The following RIMS2 variants were observed in gnomAD, a reference collection of about 807,000 sequenced individuals.
The protein encoded by RIMS2 is regulating synaptic membrane exocytosis protein 2.
RIMS2 carries 59 observed loss-of-function variants against 174.4 expected under a neutral mutation model. The observed-to-expected ratio is 0.34, with a 90% CI of 0.27 to 0.42. The LOEUF is 0.42. RIMS2 is among the 10% of genes least tolerant of loss of function. RIMS2 has a pLI of 1.00. For synonymous variants in RIMS2, 606 were observed against 572.5 expected, an observed-to-expected ratio of 1.06 and a Z score of -0.84; for missense variants, 1,620 against 1,666.3, an observed-to-expected ratio of 0.97 and a Z score of 0.48.
intron 2 of RIMS2, among the ~76,000 whole-genome samples, chr8:103,716,077 C>T (rs1257195683): frequency 1.3e-5 from 2 of 151,600 alleles, no homozygotes; most frequent in Non-Finnish European, 2.9e-5. Context: ...TCTTATGTAG[C>T]ATGCTTTTGC....
chr8:104,239,618 T>C (rs1272892910), intron 19 of RIMS2, among the ~76,000 whole-genome samples: 2 of 152,076 alleles, frequency 1.3e-5, no homozygotes, highest in Admixed American at 1.3e-4. Context: ...ATGGTTAAGT[T>C]TTTACAGTTT....
chr8:103,506,464 A>G (rs1226934623), intron 1 of RIMS2, among the ~76,000 whole-genome samples: 1 of 152,056 alleles, frequency 6.6e-6, no homozygotes, highest in Non-Finnish European at 1.5e-5. Context: ...TTCCTCATCT[A>G]TACTATTTGA....
At chr8:103,795,840 A>C (rs767633234) in intron 3 of RIMS2, among the ~76,000 whole-genome samples, 6 of 152,138 alleles carry the variant, frequency 3.9e-5, no homozygotes, top group Non-Finnish European at 8.8e-5. Context: ...ATTTCCAAGT[A>C]CTAGACTTGT....
chr8:103,671,777 T>C (rs768603411), intron 1 of RIMS2, among the ~76,000 whole-genome samples: 2 of 152,180 alleles, frequency 1.3e-5, no homozygotes, highest in Non-Finnish European at 2.9e-5. Context: ...CCTACCAAGA[T>C]ATAACAGAAT....
At chr8:103,813,919 G>A (rs1045227581) in intron 3 of RIMS2, among the ~76,000 whole-genome samples, 14 of 152,098 alleles carry the variant, frequency 9.2e-5, no homozygotes, top group Admixed American at 8.5e-4. Context: ...TGTATACCCA[G>A]TAATGGGATA....
intron 1 of RIMS2, chr8:103,559,331 A>C: frequency 4.7e-6 from 1 of 214,824 alleles, no homozygotes; most frequent in South Asian, 7.0e-5. Flanking sequence ...CCTCCCCATA[A>C]CTTCCTTCTC....
At chr8:104,193,853 G>A (rs554841088) in intron 19 of RIMS2, among the ~76,000 whole-genome samples, 2 of 152,034 alleles carry the variant, frequency 1.3e-5, no homozygotes, top group South Asian at 4.2e-4. Context: ...TTATCCTTTT[G>A]GTTTTCAAAT....
chr8:103,634,335 G>A (rs769185764), intron 1 of RIMS2, among the ~76,000 whole-genome samples: 1 of 152,058 alleles, frequency 6.6e-6, no homozygotes, highest in South Asian at 2.1e-4. Flanking sequence ...TGTTTCGAGC[G>A]ACTTTCATTG....
chr8:104,198,752 C>T (rs1374181470), intron 19 of RIMS2, among the ~76,000 whole-genome samples: 1 of 152,174 alleles, frequency 6.6e-6, no homozygotes, highest in Admixed American at 6.5e-5. Flanking sequence ...AGTGGAGTAT[C>T]CCAGCCTTTT....
At chr8:103,689,474 T>C (rs761863233) in intron 1 of RIMS2, among the ~76,000 whole-genome samples, 5 of 152,160 alleles carry the variant, frequency 3.3e-5, no homozygotes, top group African/African-American at 9.7e-5. Context: ...CCAGCTATCA[T>C]TGTATTTAGG....
chr8:103,974,809 G>A (rs1426977864), intron 15 of RIMS2, among the ~76,000 whole-genome samples: 1 of 152,114 alleles, frequency 6.6e-6, no homozygotes, highest in Non-Finnish European at 1.5e-5. Context: ...AGGGTCATTT[G>A]AGGCTAGTCT....
At chr8:103,867,722 A>T (rs2099090623) in intron 3 of RIMS2, among the ~76,000 whole-genome samples, 1 of 152,000 alleles carries the variant, frequency 6.6e-6, no homozygotes, top group Non-Finnish European at 1.5e-5. Context: ...GTTAGAAAAA[A>T]TCTATGAAAA....
chr8:104,093,553 C>T (rs755151730), intron 19 of RIMS2: 16 of 1,596,746 alleles, frequency 1.0e-5, no homozygotes, highest in East Asian at 8.9e-5. Context: ...GATATATCTG[C>T]GGTTTCAAGG....
chr8:104,114,089 A>G (rs1421582869), intron 19 of RIMS2, among the ~76,000 whole-genome samples: 2 of 152,026 alleles, frequency 1.3e-5, no homozygotes, highest in African/African-American at 2.4e-5. Flanking sequence ...AATTGTTCTG[A>G]TATTAGAATT....
At chr8:103,810,014 C>CT (rs1425437417) in intron 3 of RIMS2, among the ~76,000 whole-genome samples, 2 of 152,290 alleles carry the variant, frequency 1.3e-5, no homozygotes, top group Non-Finnish European at 2.9e-5. Flanking sequence ...ATAATCTTAG[C>CT]TTCTGCATAA....
intron 1 of RIMS2, among the ~76,000 whole-genome samples, chr8:103,649,992 A>G (rs1452278657): frequency 1.3e-5 from 2 of 152,086 alleles, no homozygotes; most frequent in Non-Finnish European, 2.9e-5. Flanking sequence ...TTTGAAGGAG[A>G]AGAGCTGTTC....
intron 1 of RIMS2, among the ~76,000 whole-genome samples, chr8:103,525,422 G>A (rs1385799773): frequency 1.3e-5 from 2 of 152,140 alleles, no homozygotes; most frequent in African/African-American, 4.8e-5. Context: ...ACTAATGGAT[G>A]GCCTGTTCAA....
Position 103,896,303 on chromosome 8 carries a change from T to C in RIMS2, c.1624+10080T>C, listed in dbSNP as rs534683104. 5.9e-5 allele frequency among the ~76,000 whole-genome samples: 9 copies of C among 151,818 alleles called. 1 individual carries two copies. Among genetic ancestry groups the C allele is most frequent in the African/African-American group, 2.2e-4 (9 of 41,156 alleles). On this transcript the variant is annotated intron_variant, in intron 4 of 23. Transcript: ENST00000504942. Reference sequence around the variant, plus strand: ...TGTCTTCTGGTAGCAAAAAAGCTGCTGGTTTTCCCAGCCATCCTCACGCTG... The same window carrying C: ...TGTCTTCTGGTAGCAAAAAAGCTGCCGGTTTTCCCAGCCATCCTCACGCTG...
intron 19 of RIMS2, among the ~76,000 whole-genome samples, chr8:104,235,375 T>C (rs1187366776): frequency 6.6e-6 from 1 of 152,106 alleles, no homozygotes; most frequent in Non-Finnish European, 1.5e-5. Context: ...AATTGGGCAC[T>C]TTCCTCATAT....
Sources: gnomAD v4.1 joint callset for allele counts (sites outside exome capture counted in the v4.1 genomes callset) on GRCh38, gnomAD v4.1.1 for gene constraint, MANE v1.5 for transcripts, NCBI Gene and HGNC (gene_info 2026-07-23, HGNC 2026-07-21) for gene names.